KCNIP1: variants seen among roughly 807,000 people sequenced by gnomAD.
The protein encoded by KCNIP1 is potassium voltage-gated channel interacting protein 1.
Under a neutral mutation model 33.0 loss-of-function variants are expected in KCNIP1, and 18 were observed. That is an observed-to-expected ratio of 0.55 (90% CI 0.38 to 0.81). KCNIP1 has a LOEUF of 0.81. KCNIP1 is among the 30% of genes least tolerant of loss of function. The pLI is 0.00. For synonymous variants in KCNIP1, 93 were observed against 98.3 expected (o/e 0.95, Z 0.32); for missense variants, 238 against 271.6 (o/e 0.88, Z 0.87).
chr5:170,709,477 T>C (rs1309363265), intron 1 of KCNIP1, among the ~76,000 whole-genome samples: 2 of 152,250 alleles, frequency 1.3e-5, no homozygotes, highest in Non-Finnish European at 2.9e-5. Context: ...TCTTGATTTG[T>C]GTTTGCATGG....
In KCNIP1 at chr5:170,410,883, G is replaced by A. The variant is rs114570954; in HGVS notation, c.88+56919G>A. ...TGGTGGAACAGGGCCCCACACAGAC[G>A]CAGGTGAAACTCCAGAGTCCTGCCT... On this transcript the variant is annotated intron_variant, in intron 1 of 7. Coordinates refer to the KCNIP1 transcript ENST00000377360. Among the ~76,000 whole-genome samples the A allele has an allele frequency of 9.7e-3, 1,475 of 152,278 alleles. 25 individuals carry two copies. The highest frequency in any genetic ancestry group is 0.033 in the African/African-American group (1,385 of 41,546).
At chr5:170,453,666 C>T (rs969875193) in intron 1 of KCNIP1, among the ~76,000 whole-genome samples, 3 of 152,094 alleles carry the variant, frequency 2.0e-5, no homozygotes, top group East Asian at 1.9e-4. Context: ...GGTGGTGGGA[C>T]GTTACTCCTG....
At chr5:170,692,886 C>T (rs1388297882) in intron 1 of KCNIP1, among the ~76,000 whole-genome samples, 2 of 152,168 alleles carry the variant, frequency 1.3e-5, no homozygotes, top group African/African-American at 4.8e-5. Flanking sequence ...AAGAAGTTTG[C>T]CTTCCCCAAA....
At chr5:170,447,830 T>G (rs1325214063) in intron 1 of KCNIP1, among the ~76,000 whole-genome samples, 1 of 151,728 alleles carries the variant, frequency 6.6e-6, no homozygotes, top group Non-Finnish European at 1.5e-5. Flanking sequence ...CTGAGACAAG[T>G]TGTCTTGAGT....
At chr5:170,503,759 CACACAT>C (rs1461031511), upstream of KCNIP1, among the ~76,000 whole-genome samples, 11 of 138,242 alleles carry the variant, frequency 8.0e-5, no homozygotes, top group African/African-American at 1.6e-4. Flanking sequence ...CACACACACA[CACACAT>C]ACACACACAC....
chr5:170,487,735 C>T (rs1472097044), intron 1 of KCNIP1, among the ~76,000 whole-genome samples: 1 of 152,046 alleles, frequency 6.6e-6, no homozygotes, highest in Non-Finnish European at 1.5e-5. Context: ...CCAGGCTGGT[C>T]TCGAACTCCT....
At chr5:170,500,271 C>T (rs1757385047), upstream of KCNIP1, among the ~76,000 whole-genome samples, 1 of 152,174 alleles carries the variant, frequency 6.6e-6, no homozygotes, top group Non-Finnish European at 1.5e-5. Context: ...TCTTCAAATA[C>T]AGCCATACAG....
intron 1 of KCNIP1, among the ~76,000 whole-genome samples, chr5:170,528,577 G>A (rs537849129): frequency 3.3e-5 from 5 of 152,314 alleles, no homozygotes; most frequent in East Asian, 1.9e-4. Context: ...GTCCAAGGGC[G>A]TAATCTTGAA....
intron 1 of KCNIP1, among the ~76,000 whole-genome samples, chr5:170,423,539 TC>T (rs1281987837): frequency 2.0e-5 from 3 of 152,144 alleles, no homozygotes; most frequent in African/African-American, 7.2e-5. Context: ...CTTCTTAGCA[TC>T]TCCCATGATG....
intron 1 of KCNIP1, among the ~76,000 whole-genome samples, chr5:170,538,813 C>G (rs1030161305): frequency 9.3e-5 from 14 of 151,128 alleles, no homozygotes; most frequent in African/African-American, 3.2e-4. Context: ...ATATGTTCCT[C>G]TAAGTGCCAA....
intron 1 of KCNIP1, among the ~76,000 whole-genome samples, chr5:170,652,300 A>G (rs1761071969): frequency 6.6e-6 from 1 of 152,060 alleles, no homozygotes; most frequent in Non-Finnish European, 1.5e-5. Flanking sequence ...CCTGGGCAAC[A>G]TGGAAAAACC....
chr5:170,594,060 G>A (rs1033564181), intron 1 of KCNIP1, among the ~76,000 whole-genome samples: 2 of 152,120 alleles, frequency 1.3e-5, no homozygotes, highest in Non-Finnish European at 2.9e-5. Context: ...TGACATTGAG[G>A]GTCCCCCCTC....
intron 1 of KCNIP1, among the ~76,000 whole-genome samples, chr5:170,362,818 A>T (rs1209921569): frequency 1.3e-5 from 2 of 152,194 alleles, no homozygotes; most frequent in African/African-American, 2.4e-5. Context: ...GACATTTTTC[A>T]AACCATCTGT....
intron 1 of KCNIP1, among the ~76,000 whole-genome samples, chr5:170,467,665 C>T (rs561040915): frequency 1.3e-5 from 2 of 152,028 alleles, no homozygotes; most frequent in Non-Finnish European, 2.9e-5. Context: ...CGCCTGTAAT[C>T]CCAGGGCTTC....
intron 1 of KCNIP1, among the ~76,000 whole-genome samples, chr5:170,634,798 A>T (rs12516265): frequency 0.093 from 14,101 of 152,200 alleles, 1,231 homozygotes; most frequent in African/African-American, 0.23. Flanking sequence ...ACATTTTGCA[A>T]TTTGTTTATA....
At chr5:170,469,037 C>G (rs1407606788) in intron 1 of KCNIP1, among the ~76,000 whole-genome samples, 2 of 152,156 alleles carry the variant, frequency 1.3e-5, no homozygotes, top group Non-Finnish European at 2.9e-5. Flanking sequence ...AATCTCTCCC[C>G]AGCCCCATTT....
intron 1 of KCNIP1, among the ~76,000 whole-genome samples, chr5:170,710,739 G>A (rs1220288164): frequency 6.6e-6 from 1 of 152,124 alleles, no homozygotes; most frequent in Non-Finnish European, 1.5e-5. Flanking sequence ...CTGCATAGGA[G>A]AGCTCACCAT....
intron 1 of KCNIP1, among the ~76,000 whole-genome samples, chr5:170,559,946 C>T (rs938487955): frequency 3.3e-5 from 5 of 152,208 alleles, no homozygotes; most frequent in East Asian, 1.9e-4. Flanking sequence ...CTGCTTATTC[C>T]TCATCCACAT....
At chr5:170,686,648 G>A (rs763405297) in intron 1 of KCNIP1, among the ~76,000 whole-genome samples, 3 of 152,124 alleles carry the variant, frequency 2.0e-5, no homozygotes, top group South Asian at 2.1e-4. Context: ...AGCTGACCCC[G>A]GCCTGTGAGT....
Sources: allele counts gnomAD v4.1 joint callset (sites outside exome capture counted in the v4.1 genomes callset), GRCh38; gene constraint gnomAD v4.1.1; transcripts MANE v1.5; gene names NCBI Gene and HGNC (gene_info 2026-07-23, HGNC 2026-07-21).